The following GAS7 variants were observed in gnomAD, a reference collection of about 807,000 sequenced individuals.
GAS7 encodes the protein growth arrest-specific protein 7.
Under a neutral mutation model 71.1 loss-of-function variants are expected in GAS7, and 28 were observed. The ratio of observed to expected loss-of-function variants is 0.39; its 90% CI spans 0.29 to 0.54. The LOEUF is 0.54. Among genes scored for constraint, GAS7 ranks in the 20% least tolerant of loss-of-function variants. GAS7 has a pLI of 0.62. For missense variants in GAS7, 436 were observed against 627.8 expected (o/e 0.69, Z 3.27); for synonymous variants, 258 against 245.8 (o/e 1.05, Z -0.46).
At chr17:10,186,576 T>C (rs2074455625) in intron 1 of GAS7, among the ~76,000 whole-genome samples, 1 of 151,984 alleles carries the variant, frequency 6.6e-6, no homozygotes, top group Non-Finnish European at 1.5e-5. Context: ...GCCAATTTTT[T>C]TGTATTTTTA....
Position 9,969,008 on chromosome 17 carries a change from A to C in GAS7, c.471+669T>G, listed in dbSNP as rs931695792. On this transcript the variant is annotated intron_variant, in intron 4 of 13. Coordinates refer to ENST00000432992, the MANE Select transcript of GAS7 (RefSeq NM_201433.2). This position sits in a 1 kb window ranked among gnomAD's most constrained non-coding sequence, Gnocchi z 5.5. ...TCCTCAGTTTTTTAGGCACAGCTTC[A>C]CGCAACTAGAAAAGCCGTAAGCACT... 6.6e-6 allele frequency among the ~76,000 whole-genome samples: 1 copy of C among 152,224 alleles called. No homozygotes were observed. Among genetic ancestry groups the C allele is most frequent in the African/African-American group, 2.4e-5 (1 of 41,466 alleles).
intron 1 of GAS7, among the ~76,000 whole-genome samples, chr17:10,048,056 C>G (rs530437100): frequency 7.9e-5 from 12 of 152,328 alleles, no homozygotes; most frequent in Admixed American, 3.3e-4. Context: ...AATCCCAGCA[C>G]TTTGGGAGGG....
chr17:10,066,527 A>G (rs1265441463), intron 1 of GAS7, among the ~76,000 whole-genome samples: 2 of 151,318 alleles, frequency 1.3e-5, no homozygotes, highest in African/African-American at 2.4e-5. Context: ...GCAGAGACAG[A>G]CTCTTGCTAT....
At position 9,910,922 on chromosome 17, in the gene GAS7, A is replaced by C. The variant is rs1039037670; in HGVS notation, c.*6306T>G. ...TGCTGGCGGGAGACACGGCTCTTTA[A>C]CATGAAAAATGTATAAAGTATTTAG... On this transcript the variant is annotated 3_prime_UTR_variant, in exon 14 of 14. Coordinates refer to ENST00000432992, the MANE Select transcript of GAS7 (RefSeq NM_201433.2). The C allele has an allele frequency of 1.1e-4, 26 of 231,276 alleles. No individual in the cohort carries two copies. Among genetic ancestry groups the C allele is most frequent in the African/African-American group, 4.4e-4 (20 of 45,184 alleles). The allele number at this position is 231,276 out of a possible 1,614,324, so 14.3% of individuals were successfully genotyped here. A position where few individuals can be genotyped will look rare whatever the true frequency, so the allele number is the denominator to read the frequency against.
intron 1 of GAS7, among the ~76,000 whole-genome samples, chr17:10,196,126 T>A (rs373398539): frequency 6.6e-6 from 1 of 152,196 alleles, no homozygotes; most frequent in African/African-American, 2.4e-5. Flanking sequence ...GGGCTGCGCA[T>A]GCCCCTTTTC....
At position 9,959,140 on chromosome 17, in the gene GAS7, C is replaced by G; in HGVS notation, c.525+62G>C. ...TTGGCGGTCCACATCGCCATGGCAA[C>G]AGCCCAGCCAAATGCCCCAGCTCGC... On this transcript the variant is annotated intron_variant, in intron 5 of 13. Transcript: ENST00000432992. This position sits in a 1 kb window ranked among gnomAD's most constrained non-coding sequence, Gnocchi z 5.0. 1 of 1,569,146 alleles carries G rather than the reference C, an allele frequency of 6.4e-7. No individual in the cohort carries two copies. The highest frequency in any genetic ancestry group is 1.7e-5 in the Admixed American group (1 of 57,390).
intron 5 of GAS7, among the ~76,000 whole-genome samples, chr17:9,951,876 C>G (rs1567814459): frequency 1.3e-5 from 2 of 151,614 alleles, no homozygotes; most frequent in Admixed American, 6.6e-5. Context: ...CAGTCTTGTT[C>G]CCCCCAGAAT....
chr17:10,167,664 C>CTT (rs201634738), intron 1 of GAS7, among the ~76,000 whole-genome samples: 1 of 151,168 alleles, frequency 6.6e-6, no homozygotes, highest in African/African-American at 2.4e-5. Context: ...TCTTTTTTTT[C>CTT]TTTTTTTTTC....
intron 1 of GAS7, among the ~76,000 whole-genome samples, chr17:10,054,999 A>C (rs2073116576): frequency 6.6e-6 from 1 of 152,190 alleles, no homozygotes; most frequent in Non-Finnish European, 1.5e-5. Flanking sequence ...GTGCGTAAGA[A>C]AGCTGAAACA....
At chr17:10,146,354 G>T (rs1370734295) in intron 1 of GAS7, among the ~76,000 whole-genome samples, 1 of 152,218 alleles carries the variant, frequency 6.6e-6, no homozygotes, top group Non-Finnish European at 1.5e-5. Context: ...CAGCCCTGGA[G>T]AGCAAGTCCT....
At chr17:10,167,044 C>CTTTTTGTTTTTTTTTTTTTTTTT (rs2074299508) in intron 1 of GAS7, among the ~76,000 whole-genome samples, 1 of 58,806 alleles carries the variant, frequency 1.7e-5, no homozygotes, top group African/African-American at 8.1e-5. Context: ...TTCCATTTGT[C>CTTTTTGTTTTTTTTTTTTTTTTT]TTTTTTTTTT....
chr17:10,181,426 G>C (rs1370105225), intron 1 of GAS7, among the ~76,000 whole-genome samples: 1 of 151,888 alleles, frequency 6.6e-6, no homozygotes, highest in Non-Finnish European at 1.5e-5. Context: ...AAAGAAAAGG[G>C]AGTAAGGGTA....
intron 1 of GAS7, among the ~76,000 whole-genome samples, chr17:10,195,242 T>C (rs1023653597): frequency 3.3e-5 from 5 of 152,320 alleles, no homozygotes; most frequent in African/African-American, 1.2e-4. Flanking sequence ...TCCCAAGGGC[T>C]AGCTGGCCAC....
chr17:10,098,043 CA>C (rs34381280), intron 1 of GAS7, among the ~76,000 whole-genome samples: 49,285 of 136,684 alleles, frequency 0.36, 9,100 homozygotes, highest in African/African-American at 0.48. Context: ...GACTCCATCT[CA>C]AAAAAAAAAA....
Position 10,004,231 on chromosome 17 carries a change from C to G in GAS7, c.304+15546G>C, listed in dbSNP as rs3786075. ...GCATTGTGTTCGCCCACACCACCCCCGCAAGAAGCCATCCAAGTGGTTAAT... is the reference window on the plus strand; with the variant it reads ...GCATTGTGTTCGCCCACACCACCCCGGCAAGAAGCCATCCAAGTGGTTAAT... On this transcript the variant is annotated intron_variant, in intron 2 of 13. Transcript: ENST00000432992. Among the ~76,000 whole-genome samples, 178 of 152,290 alleles carry G rather than the reference C, an allele frequency of 1.2e-3. 3 individuals carry two copies. In the East Asian group the frequency reaches 0.029, roughly 25 times the overall value.
intron 1 of GAS7, among the ~76,000 whole-genome samples, chr17:10,027,565 C>T (rs975605245): frequency 3.9e-5 from 6 of 152,218 alleles, no homozygotes; most frequent in Admixed American, 2.6e-4. Flanking sequence ...CAGCTTCACG[C>T]GGTATTCACT....
At chr17:10,109,521 G>A (rs1216846457) in intron 1 of GAS7, among the ~76,000 whole-genome samples, 5 of 152,330 alleles carry the variant, frequency 3.3e-5, no homozygotes, top group Admixed American at 2.6e-4. Flanking sequence ...CAGCCACTGG[G>A]GAAACCAGTA....
At chr17:10,100,349 G>C (rs151154778) in intron 1 of GAS7, among the ~76,000 whole-genome samples, 19 of 152,210 alleles carry the variant, frequency 1.2e-4, no homozygotes, top group African/African-American at 4.6e-4. Context: ...GTGGATTCAG[G>C]CACATGGACT....
chr17:10,079,066 A>G (rs2073427803), intron 1 of GAS7, among the ~76,000 whole-genome samples: 2 of 152,146 alleles, frequency 1.3e-5, no homozygotes. Context: ...GCGACAGACC[A>G]AAGCAGAGGA....
Sources: gnomAD v4.1 joint callset for allele counts (sites outside exome capture counted in the v4.1 genomes callset) on GRCh38, gnomAD v4.1.1 for gene constraint, Gnocchi (gnomAD v3.1) non-coding constraint, MANE v1.5 for transcripts, NCBI Gene and HGNC (gene_info 2026-07-23, HGNC 2026-07-21) for gene names.